PKIA: variants seen among roughly 807,000 people sequenced by gnomAD.
PKIA encodes PKI-alpha.
Under a neutral mutation model 7.6 loss-of-function variants are expected in PKIA, and 4 were observed. The ratio of observed to expected loss-of-function variants is 0.52; its 90% confidence interval spans 0.26 to 1.20. The LOEUF (loss-of-function observed/expected upper bound fraction) is 1.20. PKIA is among the 50% of genes most tolerant of loss of function. The probability of loss-of-function intolerance (pLI) is 0.13; values close to 1 mark genes in which losing one functional copy is unlikely to be tolerated. For missense variants in PKIA, 73 were observed against 86.2 expected, an observed-to-expected ratio of 0.85 and a Z score of 0.61; for synonymous variants, 21 against 30.7, an observed-to-expected ratio of 0.68 and a Z score of 1.04.
chr8:78,583,696 G>A (rs924583631), intron 2 of PKIA, among the ~76,000 whole-genome samples: 1 of 152,030 alleles, frequency 6.6e-6, no homozygotes, highest in African/African-American at 2.4e-5. Flanking sequence ...GAGACAGCAA[G>A]GTGGGGACTG....
At chr8:78,539,022 G>A (rs1418422097) in intron 1 of PKIA, among the ~76,000 whole-genome samples, 1 of 152,040 alleles carries the variant, frequency 6.6e-6, no homozygotes, top group Non-Finnish European at 1.5e-5. Context: ...CCAAAAAAGT[G>A]CAGAGAAACA....
chr8:78,597,522 G>C (rs1808253046), intron 2 of PKIA, among the ~76,000 whole-genome samples: 1 of 152,120 alleles, frequency 6.6e-6, no homozygotes, highest in African/African-American at 2.4e-5. Flanking sequence ...TTCATTAACA[G>C]ACTGTACAGA....
intron 1 of PKIA, among the ~76,000 whole-genome samples, chr8:78,523,339 T>C (rs559050119): frequency 6.6e-6 from 1 of 152,086 alleles, no homozygotes; most frequent in African/African-American, 2.4e-5. Context: ...TCTATCTTTA[T>C]GGTTGTTTGA....
chr8:78,562,503 C>T (rs1487710757), intron 1 of PKIA, among the ~76,000 whole-genome samples: 1 of 152,122 alleles, frequency 6.6e-6, no homozygotes, highest in African/African-American at 2.4e-5. Flanking sequence ...GCTCTGGCCC[C>T]CTTCAGTATC....
At chr8:78,576,295 G>T (rs112078100) in intron 2 of PKIA, among the ~76,000 whole-genome samples, 5,312 of 152,000 alleles carry the variant, frequency 0.035, 98 homozygotes, top group African/African-American at 0.043. Context: ...AAATTCTGAA[G>T]AATATCTTAT....
intron 1 of PKIA, among the ~76,000 whole-genome samples, chr8:78,557,263 T>A (rs1026506417): frequency 6.6e-6 from 1 of 152,138 alleles, no homozygotes; most frequent in African/African-American, 2.4e-5. Flanking sequence ...GCTGTTAACA[T>A]ATAAATAGAA....
Position 78,603,380 on chromosome 8 carries a change from C to G in PKIA, c.*1559C>G, listed in dbSNP as rs1310185651. The stretch of plus-strand genomic sequence containing the variant: ...GTGTGGTTGTGCCAGAAACTCAGCC[C>G]TTCTATGTAATTACATACAGGATAA... On this transcript the variant is annotated 3_prime_UTR_variant, in exon 4 of 4. Coordinates refer to ENST00000396418, the MANE Select transcript of PKIA (RefSeq NM_006823.4). 1 of 152,010 alleles carries G rather than the reference C, an allele frequency of 6.6e-6. No homozygotes were observed. The highest frequency in any genetic ancestry group is 1.5e-5 in the Non-Finnish European group (1 of 67,936). 9.4% of individuals were successfully genotyped at this position (152,010 alleles called of 1,614,324 possible).
chr8:78,556,396 C>T (rs1807137849), intron 1 of PKIA: 1 of 151,948 alleles, frequency 6.6e-6, no homozygotes, highest in Non-Finnish European at 1.5e-5. Context: ...AATCAATTAT[C>T]TAACATTCCA....
chr8:78,570,520 C>T (rs1174028887), intron 1 of PKIA, among the ~76,000 whole-genome samples: 1 of 152,084 alleles, frequency 6.6e-6, no homozygotes, highest in Non-Finnish European at 1.5e-5. Flanking sequence ...ACAATCAAGC[C>T]CCAGTATTTC....
chr8:78,551,130 A>C (rs970519734), intron 1 of PKIA, among the ~76,000 whole-genome samples: 4 of 152,088 alleles, frequency 2.6e-5, no homozygotes, highest in Non-Finnish European at 4.4e-5. Flanking sequence ...GATTTCAGAG[A>C]ATAAGATAAG....
At position 78,604,563 on chromosome 8, in the gene PKIA, A is replaced by C. The variant is rs1011539780; in HGVS notation, c.*2742A>C. 16 of 151,952 alleles carry C rather than the reference A, an allele frequency of 1.1e-4. No homozygotes were observed. The highest frequency in any genetic ancestry group is 3.9e-4 in the African/African-American group (16 of 41,402). The allele number at this position is 151,952 out of a possible 1,614,324, so 9.4% of individuals were successfully genotyped here. ...CTGGATGGGTAATAACACAGATATG[A>C]GTAGGTCACATAAAGTATATCTTTT... On this transcript the variant is annotated 3_prime_UTR_variant, in exon 4 of 4. Coordinates refer to ENST00000396418, the MANE Select transcript of PKIA (RefSeq NM_006823.4).
At chr8:78,597,790 A>C (rs2130280118) in intron 2 of PKIA, among the ~76,000 whole-genome samples, 1 of 152,224 alleles carries the variant, frequency 6.6e-6, no homozygotes, top group East Asian at 1.9e-4. Flanking sequence ...GTAAGGACAA[A>C]GTTGAGTAGT....
At chr8:78,565,630 T>C (rs1807392627) in intron 1 of PKIA, among the ~76,000 whole-genome samples, 2 of 151,948 alleles carry the variant, frequency 1.3e-5, no homozygotes, top group South Asian at 4.1e-4. Context: ...CAGTAGCCCT[T>C]TATTGAAGTT....
chr8:78,558,795 A>G (rs1344362574), intron 1 of PKIA, among the ~76,000 whole-genome samples: 1 of 152,214 alleles, frequency 6.6e-6, no homozygotes, highest in African/African-American at 2.4e-5. Flanking sequence ...AGAATCAATC[A>G]TTAAGCGATA....
Position 78,580,122 on chromosome 8 carries a change from T to G in PKIA, c.-28+7183T>G, listed in dbSNP as rs554998167. On this transcript the variant is annotated intron_variant, in intron 2 of 3. Transcript: ENST00000396418. Reference sequence around the variant, plus strand: ...AAATGAACTGTTAATCATTGAATTGTGCTATATAATTTTTTAAGTTGCGAA... The same window carrying G: ...AAATGAACTGTTAATCATTGAATTGGGCTATATAATTTTTTAAGTTGCGAA... Among the ~76,000 whole-genome samples the G allele has an allele frequency of 3.0e-4, 45 of 152,150 alleles. No individual in the cohort carries two copies. The South Asian group carries it at 6.0e-3, about 20-fold the overall frequency.
At chr8:78,569,284 G>A (rs1005229672) in intron 1 of PKIA, among the ~76,000 whole-genome samples, 8 of 152,126 alleles carry the variant, frequency 5.3e-5, no homozygotes, top group African/African-American at 1.9e-4. Flanking sequence ...GGTTCAGGGG[G>A]TCTGTTAGAG....
chr8:78,595,970 G>C (rs1479451567), intron 2 of PKIA, among the ~76,000 whole-genome samples: 3 of 152,162 alleles, frequency 2.0e-5, no homozygotes, highest in Admixed American at 1.3e-4. Flanking sequence ...GGCTGAACTA[G>C]TTTATATTCC....
chr8:78,522,801 A>C (rs1420434608), intron 1 of PKIA, among the ~76,000 whole-genome samples: 2 of 151,702 alleles, frequency 1.3e-5, no homozygotes, highest in East Asian at 3.9e-4. Flanking sequence ...TTTGCATCAA[A>C]CCTAATCTAA....
At chr8:78,598,562 A>G (rs1464376078) in intron 3 of PKIA, 27 bp downstream of exon 3, 4 of 1,581,350 alleles carry the variant, frequency 2.5e-6, no homozygotes, top group Non-Finnish European at 3.5e-6. Context: ...ACATTTCTCT[A>G]TGAGCATGGA....
Sources: allele counts gnomAD v4.1 joint callset (sites outside exome capture counted in the v4.1 genomes callset), GRCh38; gene constraint gnomAD v4.1.1; transcripts MANE v1.5; gene names NCBI Gene and HGNC (gene_info 2026-07-23, HGNC 2026-07-21).